NLRP2: variants seen among roughly 807,000 people sequenced by gnomAD.
The protein encoded by NLRP2 is NACHT, LRR and PYD domains-containing protein 2.
Under a neutral mutation model 97.2 loss-of-function variants are expected in NLRP2, and 107 were observed. The observed-to-expected ratio is 1.10, with a 90% CI of 0.94 to 1.29. NLRP2 has a LOEUF of 1.29. NLRP2 is among the 50% of genes most tolerant of loss of function. NLRP2 has a pLI of 0.00. For missense variants in NLRP2, 1,495 were observed against 1,330.3 expected (o/e 1.12, Z -1.93); for synonymous variants, 663 against 551.5 (o/e 1.20, Z -2.83).
chr19:54,996,037 C>CAAAAAAAAAAAAAAAA lies in NLRP2; in HGVS notation c.2880-1279_2880-1264dup, dbSNP rs544759995. The stretch of plus-strand genomic sequence containing the variant: ...CCTGGGTGACAGTGAGATCCTGTCT[C>CAAAAAAAAAAAAAAAA]AAAAAAAAAAAAAAAACAAAAAAAA... On this transcript the variant is annotated intron_variant, in intron 11 of 12. Coordinates refer to ENST00000448584, the MANE Select transcript of NLRP2 (RefSeq NM_017852.5). Among the ~76,000 whole-genome samples, 54 of 73,352 alleles carry CAAAAAAAAAAAAAAAA rather than the reference C, an allele frequency of 7.4e-4. 2 individuals carry two copies. Among genetic ancestry groups the CAAAAAAAAAAAAAAAA allele is most frequent in the African/African-American group, 2.8e-3 (51 of 18,076 alleles). 48.1% of individuals were successfully genotyped at this position (73,352 alleles called of 152,430 possible).
At chr19:54,996,695 T>C (rs546016748) in intron 11 of NLRP2, among the ~76,000 whole-genome samples, 2 of 152,116 alleles carry the variant, frequency 1.3e-5, no homozygotes, top group Middle Eastern at 3.4e-3. Flanking sequence ...ATGTTCTATT[T>C]TACGTGTCAG....
chr19:54,998,595 G>A (rs1313527398), intron 12 of NLRP2, among the ~76,000 whole-genome samples: 4 of 55,470 alleles, frequency 7.2e-5, no homozygotes, highest in Admixed American at 2.1e-4. Flanking sequence ...TCTTTTTTTT[G>A]GGGTGCATCT....
chr19:54,993,109 A>G (rs1481154204), intron 10 of NLRP2: 2 of 151,234 alleles, frequency 1.3e-5, no homozygotes, highest in African/African-American at 2.4e-5. Flanking sequence ...ATCCCAGCTT[A>G]CTTGGGAGGG....
intron 12 of NLRP2, 134 bp from the exon 13 acceptor site, chr19:55,000,626 C>A: frequency 1.1e-6 from 1 of 870,012 alleles, no homozygotes; most frequent in Non-Finnish European, 1.8e-6. Context: ...GTGGAACACT[C>A]CTTTGCCACC....
At chr19:54,996,227 G>A (rs1013083241) in intron 11 of NLRP2, among the ~76,000 whole-genome samples, 2 of 151,704 alleles carry the variant, frequency 1.3e-5, no homozygotes, top group Non-Finnish European at 2.9e-5. Flanking sequence ...GTGGCAGGGT[G>A]CAGTGGCTCA....
intron 12 of NLRP2, among the ~76,000 whole-genome samples, chr19:54,999,042 A>ACCCCCCCAACCTCCCTACCGGACG (rs1337867779): frequency 7.3e-6 from 1 of 136,102 alleles, no homozygotes; most frequent in Admixed American, 7.1e-5. Context: ...CCTCCCGGAC[A>ACCCCCCCAACCTCCCTACCGGACG]GGGCGGCTGG....
rs1568501061 is a variant in NLRP2 at position 54,983,363 on chromosome 19, C to G, written c.1665C>G (p.Tyr555Ter). ...LRNPDLIQAGYYSFGLANEKR... is the reference protein window; with the variant it reads ...LRNPDLIQAG ...ACCCCGACCTGATCCAAGCAGGCTACTACTCCTTTGGCCTCGCTAACGAGA... is the reference window on the plus strand; with the variant it reads ...ACCCCGACCTGATCCAAGCAGGCTAGTACTCCTTTGGCCTCGCTAACGAGA... Residue 555 changes from tyrosine (Y) to a stop codon, truncating the protein, a stop_gained, in exon 6 of 13, where the codon TAC (tyrosine) becomes TAG (stop). Coordinates refer to ENST00000448584, the MANE Select transcript of NLRP2 (RefSeq NM_017852.5). LOFTEE classifies it high-confidence loss of function. 3.1e-6 allele frequency: 5 copies of G among 1,614,230 alleles called. No homozygotes were observed. The highest frequency in any genetic ancestry group is 4.2e-6 in the Non-Finnish European group (5 of 1,180,056).
At chr19:54,990,797 C>T (rs1184868496) in intron 10 of NLRP2, 125 bp downstream of exon 10, 5 of 977,190 alleles carry the variant, frequency 5.1e-6, no homozygotes, top group Non-Finnish European at 3.2e-6. Flanking sequence ...ATGCTAATGA[C>T]AACTGGTAAG....
At chr19:54,996,043 AAAAAAAAAAAC>A (rs1224314790) in intron 11 of NLRP2, among the ~76,000 whole-genome samples, 8 of 147,996 alleles carry the variant, frequency 5.4e-5, no homozygotes, top group Admixed American at 2.8e-4. Context: ...GTCTCAAAAA[AAAAAAAAAAAC>A]AAAAAAAACA....
At chr19:54,995,496 A>C (rs1341244884) in intron 11 of NLRP2, among the ~76,000 whole-genome samples, 2 of 151,566 alleles carry the variant, frequency 1.3e-5, no homozygotes, top group Admixed American at 6.6e-5. Flanking sequence ...AGGCAGGAGA[A>C]TCACTTGAAC....
chr19:54,983,039 G>C lies in NLRP2; in HGVS notation c.1341G>C (p.Leu447=), dbSNP rs557593027. The part of the protein sequence containing the change: ...FPQGAQLRGA[L]RTLSLLAAQG... ...AGGGCGCACAGCTGCGGGGCGCGCT[G>C]CGGACGCTGAGCCTCCTGGCCGCGC... The change falls in exon 6 of 13, where the codon CTG becomes CTC. Residue 447 remains leucine (L), a synonymous_variant. Coordinates refer to ENST00000448584, the MANE Select transcript of NLRP2 (RefSeq NM_017852.5). 1.2e-6 allele frequency: 2 copies of C among 1,611,158 alleles called. No individual in the cohort carries two copies. Among genetic ancestry groups the C allele is most frequent in the East Asian group, 4.5e-5 (2 of 44,828 alleles).
intron 4 of NLRP2, among the ~76,000 whole-genome samples, chr19:54,981,232 C>T (rs1054189976): frequency 1.3e-5 from 2 of 151,932 alleles, no homozygotes; most frequent in South Asian, 2.1e-4. Context: ...TGCAGTAGTG[C>T]GATCTCTTAC....
At chr19:54,969,974 A>C (rs755566370) in intron 1 of NLRP2, 25 bp from the exon 2 acceptor site, 1 of 1,610,290 alleles carries the variant, frequency 6.2e-7, no homozygotes, top group Non-Finnish European at 8.5e-7. Context: ...ATCCCTCTCC[A>C]CTCCTCCCTT....
chr19:54,983,952 G>A (rs1438935694), intron 6 of NLRP2, among the ~76,000 whole-genome samples: 2 of 152,160 alleles, frequency 1.3e-5, no homozygotes, highest in African/African-American at 4.8e-5. Flanking sequence ...CCGGGTTCAA[G>A]TGATTCTTCT....
At position 54,983,738 on chromosome 19, in the gene NLRP2, G is replaced by C. The variant is rs7254951; in HGVS notation, c.2030+10G>C. Reference sequence around the variant, plus strand: ...ACGCCGAGGTTGAGAGGTGAGAACCGTTTCACTCTACCAGTCGTTCCATCT... The same window carrying C: ...ACGCCGAGGTTGAGAGGTGAGAACCCTTTCACTCTACCAGTCGTTCCATCT... On this transcript the variant is annotated intron_variant, in intron 6 of 12. Transcript: ENST00000448584. 1 of 1,607,696 alleles carries C rather than the reference G, an allele frequency of 6.2e-7. No homozygotes were observed. Among genetic ancestry groups the C allele is most frequent in the South Asian group, 1.1e-5 (1 of 91,004 alleles).
intron 4 of NLRP2, among the ~76,000 whole-genome samples, chr19:54,981,318 G>A (rs1244427252): frequency 1.3e-5 from 2 of 151,936 alleles, no homozygotes; most frequent in African/African-American, 2.4e-5. Context: ...ACAGGCATGC[G>A]CCACCACGCC....
At chr19:54,980,069 C>G (rs1173218478) in intron 4 of NLRP2, among the ~76,000 whole-genome samples, 1 of 151,962 alleles carries the variant, frequency 6.6e-6, no homozygotes, top group Non-Finnish European at 1.5e-5. Context: ...GCCACTGTGC[C>G]CAGCCTAGCA....
intron 3 of NLRP2, among the ~76,000 whole-genome samples, chr19:54,976,030 T>C (rs1347199590): frequency 6.6e-6 from 1 of 151,260 alleles, no homozygotes; most frequent in African/African-American, 2.4e-5. Flanking sequence ...ATTACAGACA[T>C]GATTCACCAC....
chr19:54,971,921 C>T (rs896286849), intron 2 of NLRP2, among the ~76,000 whole-genome samples: 6 of 151,594 alleles, frequency 4.0e-5, no homozygotes, highest in African/African-American at 7.3e-5. Flanking sequence ...CTCCGCCTCC[C>T]GGGTTCAAGC....
Sources: gnomAD v4.1 joint callset for allele counts (sites outside exome capture counted in the v4.1 genomes callset) on GRCh38, gnomAD v4.1.1 for gene constraint, MANE v1.5 for transcripts, NCBI Gene and HGNC (gene_info 2026-07-23, HGNC 2026-07-21) for gene names.